SYNE1: variants seen among roughly 807,000 people sequenced by gnomAD.
SYNE1 encodes spectrin repeat containing nuclear envelope protein 1, also known as nesprin-1.
Under a neutral mutation model 1,111.0 loss-of-function variants are expected in SYNE1, and 616 were observed. The ratio of observed to expected loss-of-function variants is 0.55; its 90% confidence interval spans 0.52 to 0.59. SYNE1 has a LOEUF of 0.59. SYNE1 is among the 20% of genes least tolerant of loss of function. The probability of loss-of-function intolerance (pLI) is 0.00; values close to 1 mark genes in which losing one functional copy is unlikely to be tolerated. For missense variants in SYNE1, 10,006 were observed against 10,417.0 expected, an observed-to-expected ratio of 0.96 and a Z score of 1.72; for synonymous variants, 3,855 against 3,825.8, an observed-to-expected ratio of 1.01 and a Z score of -0.28.
intron 39 of SYNE1, among the ~76,000 whole-genome samples, chr6:152,421,878 GTAT>G (rs1001286310): frequency 1.1e-4 from 16 of 151,926 alleles, no homozygotes; most frequent in Middle Eastern, 3.4e-3. Context: ...GCTAATTTTT[GTAT>G]TATTAGTAGA....
At chr6:152,267,969 A>C in intron 100 of SYNE1, 87 bp downstream of exon 100, 1 of 1,228,190 alleles carries the variant, frequency 8.1e-7, no homozygotes. Flanking sequence ...GAAGATGTTT[A>C]AAATAAAATT....
chr6:152,628,738 T>G (rs2128986406), intron 2 of SYNE1, among the ~76,000 whole-genome samples, 184 bp from the exon 3 acceptor site: 1 of 152,284 alleles, frequency 6.6e-6, no homozygotes, highest in Admixed American at 6.5e-5. Context: ...CCATGATATT[T>G]AATAAAATAA....
chr6:152,197,914 G>C (rs567847920), intron 127 of SYNE1, among the ~76,000 whole-genome samples: 1 of 152,120 alleles, frequency 6.6e-6, no homozygotes, highest in African/African-American at 2.4e-5. Context: ...CTTCTTTTAA[G>C]CTATTAAATT....
intron 3 of SYNE1, among the ~76,000 whole-genome samples, chr6:152,549,977 G>A (rs2099331803): frequency 1.3e-5 from 2 of 152,154 alleles, no homozygotes; most frequent in Admixed American, 1.3e-4. Context: ...CTAAGTTACA[G>A]TTGCTTAACC....
intron 105 of SYNE1, 24 bp downstream of exon 105, chr6:152,249,137 C>T (rs2088342900): frequency 1.4e-6 from 2 of 1,474,034 alleles, no homozygotes; most frequent in Non-Finnish European, 1.9e-6. Flanking sequence ...ATTTTCTCTT[C>T]TAGGAAAAGG....
chr6:152,499,567 A>G (rs532758189), intron 10 of SYNE1, among the ~76,000 whole-genome samples: 1 of 152,314 alleles, frequency 6.6e-6, no homozygotes, highest in African/African-American at 2.4e-5. Context: ...ACAAATACTG[A>G]GTACTTTGAG....
chr6:152,310,107 TTA>T, intron 89 of SYNE1, 90 bp from the exon 90 acceptor site: 2 of 1,415,428 alleles, frequency 1.4e-6, no homozygotes, highest in Non-Finnish European at 1.9e-6. Flanking sequence ...ACGTTGCAAG[TTA>T]TAAACATTTT....
At chr6:152,383,249 A>G (rs1444176578) in intron 55 of SYNE1, among the ~76,000 whole-genome samples, 1 of 152,208 alleles carries the variant, frequency 6.6e-6, no homozygotes, top group Admixed American at 6.5e-5. Flanking sequence ...TTTCTCAATA[A>G]AAAAGAGTAT....
intron 36 of SYNE1, among the ~76,000 whole-genome samples, chr6:152,429,463 C>G (rs1334214139): frequency 2.0e-5 from 3 of 152,158 alleles, no homozygotes; most frequent in East Asian, 1.9e-4. Context: ...AAATCTCACT[C>G]CCTCTTCCAG....
intron 131 of SYNE1, among the ~76,000 whole-genome samples, chr6:152,160,461 A>G (rs1188297958): frequency 6.6e-6 from 1 of 152,150 alleles, no homozygotes; most frequent in Non-Finnish European, 1.5e-5. Context: ...AGCTGTCATC[A>G]GGGACTTTCC....
intron 115 of SYNE1, among the ~76,000 whole-genome samples, chr6:152,229,167 T>C (rs975808590): frequency 6.6e-6 from 1 of 152,116 alleles, no homozygotes; most frequent in Admixed American, 6.5e-5. Flanking sequence ...AAACCCGAAA[T>C]AGAAAAACAA....
In SYNE1 at chr6:152,334,212, T is replaced by A. The variant is rs985474571; in HGVS notation, c.12590A>T (p.Asn4197Ile). Residue 4197 changes from asparagine (N) to isoleucine (I), a missense_variant, in exon 77 of 146, where the codon AAT becomes ATT. Around this residue, in one of 7 missense-constraint regions of SYNE1, gnomAD observed 4,955 missense variants for 5,017.2 expected, o/e 0.99. Transcript: ENST00000367255. ...ASVNTIIEKVNKLTKKEESPE... is the reference protein window; with the variant it reads ...ASVNTIIEKVIKLTKKEESPE... ...CGATTCCTCCTTCTTTGTTAACTTATTCACCTTTTCTATTATGGTGTTCAC... is the reference window on the plus strand; with the variant it reads ...CGATTCCTCCTTCTTTGTTAACTTAATCACCTTTTCTATTATGGTGTTCAC... 3.1e-6 allele frequency: 5 copies of A among 1,614,046 alleles called. No individual in the cohort carries two copies. The highest frequency in any genetic ancestry group is 4.5e-5 in the East Asian group (2 of 44,898).
rs1163496756 is a variant in SYNE1, at chr6:152,121,860, A to G, written c.*576T>C. On this transcript the variant is annotated 3_prime_UTR_variant, in exon 146 of 146. Transcript: ENST00000367255. ...CTAGTTTTTCTTTATACCTCTAAAA[A>G]AAAGTGCCTTTTAGATTTACAGCTT... The G allele has an allele frequency of 6.5e-6, 1 of 154,374 alleles. No individual in the cohort carries two copies. The highest frequency in any genetic ancestry group is 1.9e-4 in the East Asian group (1 of 5,240). The allele number at this position is 154,374 out of a possible 1,614,324, so 9.6% of individuals were successfully genotyped here. A position where few individuals can be genotyped will look rare whatever the true frequency, so the allele number is the denominator to read the frequency against.
intron 98 of SYNE1, among the ~76,000 whole-genome samples, chr6:152,272,110 T>C (rs1346816289): frequency 6.6e-6 from 1 of 152,220 alleles, no homozygotes; most frequent in East Asian, 1.9e-4. Flanking sequence ...TTCTATGCGG[T>C]TAGACTCAGT....
Position 152,329,782 on chromosome 6 carries a change from G to A in SYNE1, c.14903C>T (p.Ala4968Val), listed in dbSNP as rs1590203537. The part of the protein sequence containing the change: ...LISADLEHSL[A>V]ELSELDGDIQ... ...GTCTCCATCCAGCTCTGAGAGCTCA[G>A]CGAGGCTGTGTTCTAAATCCGCAGA... The change falls in exon 78 of 146, where the codon GCT becomes GTT. Residue 4968 changes from alanine (A) to valine (V), a missense_variant. Physicochemically the swap from Ala to Val is moderately conservative, Grantham distance 64. Transcript: ENST00000367255. 2.5e-6 allele frequency: 4 copies of A among 1,614,196 alleles called. No individual in the cohort carries two copies. The highest frequency in any genetic ancestry group is 2.7e-5 in the African/African-American group (2 of 75,056).
At chr6:152,175,608 C>T (rs978314127) in intron 130 of SYNE1, among the ~76,000 whole-genome samples, 2 of 152,188 alleles carry the variant, frequency 1.3e-5, no homozygotes, top group Admixed American at 6.5e-5. Flanking sequence ...GTTCTTAGTG[C>T]TTGTGATATG....
intron 3 of SYNE1, among the ~76,000 whole-genome samples, chr6:152,600,988 C>T (rs991001123): frequency 2.0e-5 from 3 of 152,294 alleles, no homozygotes; most frequent in East Asian, 1.9e-4. Flanking sequence ...ATTCTTCCCA[C>T]GTATTTACAA....
chr6:152,271,531 C>T (rs1465391868), intron 98 of SYNE1, among the ~76,000 whole-genome samples: 1 of 152,144 alleles, frequency 6.6e-6, no homozygotes, highest in African/African-American at 2.4e-5. Context: ...AAATTCTCCA[C>T]CTTCTGCGGA....
Position 152,365,033 on chromosome 6 carries a change from T to C in SYNE1, c.9973-14A>G, listed in dbSNP as rs747324533. Reference sequence around the variant, plus strand: ...TGATAATAGAGCCTGTGAAAACACATACAGAAGTCCTTTGTCATTTGTATG... The same window carrying C: ...TGATAATAGAGCCTGTGAAAACACACACAGAAGTCCTTTGTCATTTGTATG... On this transcript the variant is annotated splice_polypyrimidine_tract_variant and intron_variant, in intron 62 of 145. Coordinates refer to ENST00000367255, the MANE Select transcript of SYNE1 (RefSeq NM_182961.4). 1 of 1,614,120 alleles carries C rather than the reference T, an allele frequency of 6.2e-7. No individual in the cohort carries two copies. Among genetic ancestry groups the C allele is most frequent in the Non-Finnish European group, 8.5e-7 (1 of 1,179,978 alleles).
Sources: allele counts gnomAD v4.1 joint callset (sites outside exome capture counted in the v4.1 genomes callset), GRCh38; gene constraint gnomAD v4.1.1; regional missense constraint gnomAD v4.1.1; transcripts MANE v1.5; gene names NCBI Gene and HGNC (gene_info 2026-07-23, HGNC 2026-07-21).